Variants in PITPNC1 observed in about 807,000 individuals in gnomAD.
PITPNC1 encodes the protein cytoplasmic phosphatidylinositol transfer protein 1.
Under a neutral mutation model 44.7 loss-of-function variants are expected in PITPNC1, and 18 were observed. The observed-to-expected ratio is 0.40, with a 90% CI of 0.28 to 0.60. The LOEUF is 0.60. Among genes scored for constraint, PITPNC1 ranks in the 20% least tolerant of loss-of-function variants. The pLI, the probability that PITPNC1 is intolerant of heterozygous loss-of-function variation, is 0.39. For missense variants in PITPNC1, 290 were observed against 418.4 expected (o/e 0.69, Z 2.68); for synonymous variants, 141 against 149.6 (o/e 0.94, Z 0.42).
chr17:67,676,571 T>C lies in PITPNC1; in HGVS notation c.682+1029T>C, dbSNP rs2042606318. Among the ~76,000 whole-genome samples the C allele has an allele frequency of 6.6e-6, 1 of 152,158 alleles. No homozygotes were observed. Among genetic ancestry groups the C allele is most frequent in the South Asian group, 2.1e-4 (1 of 4,824 alleles). On this transcript the variant is annotated intron_variant, in intron 8 of 8. Coordinates refer to ENST00000581322, the MANE Select transcript of PITPNC1 (RefSeq NM_012417.4). This position sits in a 1 kb window ranked among gnomAD's most constrained non-coding sequence, Gnocchi z 4.0. ...AGGTTAGATCTGATTTTCAGGTCGATTGTCTAATGAAATGCCCTTCTCCTT... is the reference window on the plus strand; with the variant it reads ...AGGTTAGATCTGATTTTCAGGTCGACTGTCTAATGAAATGCCCTTCTCCTT...
chr17:67,663,365 C>G (rs1045635173), intron 6 of PITPNC1, among the ~76,000 whole-genome samples: 46 of 151,922 alleles, frequency 3.0e-4, no homozygotes, highest in African/African-American at 1.1e-3. Context: ...GTCAGGAGAT[C>G]GAGACCATCC....
At chr17:67,580,991 G>A (rs1457903950) in intron 5 of PITPNC1, among the ~76,000 whole-genome samples, 1 of 152,222 alleles carries the variant, frequency 6.6e-6, no homozygotes, top group Non-Finnish European at 1.5e-5. Flanking sequence ...CAAGCCTGCA[G>A]TGAACCATGT....
At chr17:67,649,574 G>T (rs568340628) in intron 6 of PITPNC1, among the ~76,000 whole-genome samples, 19 of 152,202 alleles carry the variant, frequency 1.2e-4, no homozygotes, top group African/African-American at 4.3e-4. Context: ...GTCCCACAAA[G>T]CTGCCCCACT....
chr17:67,567,421 G>T (rs566031822), intron 4 of PITPNC1, among the ~76,000 whole-genome samples: 1 of 151,988 alleles, frequency 6.6e-6, no homozygotes, highest in South Asian at 2.1e-4. Context: ...GAGGCAGAGC[G>T]TGCAGTGAGC....
At chr17:67,400,667 GC>G (rs1358392272) in intron 1 of PITPNC1, among the ~76,000 whole-genome samples, 2 of 151,864 alleles carry the variant, frequency 1.3e-5, no homozygotes, top group East Asian at 3.9e-4. Flanking sequence ...TGTAACCAGA[GC>G]CCTCTTTCTA....
intron 1 of PITPNC1, among the ~76,000 whole-genome samples, chr17:67,522,768 T>C (rs2040344599): frequency 6.7e-6 from 1 of 149,798 alleles, no homozygotes; most frequent in Admixed American, 6.8e-5. Flanking sequence ...GCTCAAGCGA[T>C]CATCCCGCCT....
chr17:67,420,399 CCCTT>C (rs1270916729), intron 1 of PITPNC1, among the ~76,000 whole-genome samples: 104 of 144,658 alleles, frequency 7.2e-4, no homozygotes, highest in South Asian at 1.6e-3. Flanking sequence ...CTCCCTCCCT[CCCTT>C]CCTTCCTTCC....
intron 1 of PITPNC1, among the ~76,000 whole-genome samples, chr17:67,450,520 G>A (rs1336387121): frequency 2.6e-5 from 4 of 151,974 alleles, no homozygotes; most frequent in African/African-American, 2.4e-5. Context: ...CACCCTCTCC[G>A]GCTCAAGCGA....
intron 5 of PITPNC1, among the ~76,000 whole-genome samples, chr17:67,606,919 G>T (rs763917231): frequency 3.3e-5 from 5 of 152,164 alleles, no homozygotes; most frequent in Admixed American, 1.3e-4. Flanking sequence ...ACAAACCACT[G>T]CCTGTCTGAA....
chr17:67,626,560 G>T (rs1390281246), intron 5 of PITPNC1, among the ~76,000 whole-genome samples: 1 of 152,076 alleles, frequency 6.6e-6, no homozygotes, highest in African/African-American at 2.4e-5. Flanking sequence ...AGTAGAGATG[G>T]GGTTTCACCA....
At chr17:67,423,142 T>C (rs2038695714) in intron 1 of PITPNC1, among the ~76,000 whole-genome samples, 1 of 152,190 alleles carries the variant, frequency 6.6e-6, no homozygotes, top group Non-Finnish European at 1.5e-5. Context: ...AGTCAGCACG[T>C]CTGCGTTATT....
chr17:67,590,377 T>C (rs1274898931), intron 5 of PITPNC1, among the ~76,000 whole-genome samples: 1 of 152,210 alleles, frequency 6.6e-6, no homozygotes, highest in Non-Finnish European at 1.5e-5. Context: ...ATAAGAATTG[T>C]AAACAAATAC....
At chr17:67,690,098 C>A (rs1387256647) in intron 8 of PITPNC1, among the ~76,000 whole-genome samples, 1 of 152,164 alleles carries the variant, frequency 6.6e-6, no homozygotes, top group Non-Finnish European at 1.5e-5. Context: ...CCCAGGAAAT[C>A]CTCTTAAGGA....
At chr17:67,675,359 A>G in intron 7 of PITPNC1, 120 bp from the exon 8 acceptor site, 1 of 750,746 alleles carries the variant, frequency 1.3e-6, no homozygotes. Flanking sequence ...GTCATCACCT[A>G]TGGACAGAGG....
chr17:67,404,136 C>G (rs1482813364), intron 1 of PITPNC1, among the ~76,000 whole-genome samples: 1 of 152,162 alleles, frequency 6.6e-6, no homozygotes, highest in Non-Finnish European at 1.5e-5. Context: ...GTTATTTGTA[C>G]CGATATACTA....
chr17:67,423,203 A>C (rs932576799), intron 1 of PITPNC1, among the ~76,000 whole-genome samples: 1 of 152,210 alleles, frequency 6.6e-6, no homozygotes, highest in Admixed American at 6.5e-5. Context: ...GCCCCCAAGG[A>C]AACAGAGGAT....
At chr17:67,631,055 T>TATTATTATTATC in intron 5 of PITPNC1, among the ~76,000 whole-genome samples, 1 of 84,008 alleles carries the variant, frequency 1.2e-5, no homozygotes, top group South Asian at 3.4e-4. Context: ...TTGTTGTTGT[T>TATTATTATTATC]ATTATTATTA....
At chr17:67,629,940 C>T (rs1011702953) in intron 5 of PITPNC1, among the ~76,000 whole-genome samples, 1 of 152,154 alleles carries the variant, frequency 6.6e-6, no homozygotes, top group African/African-American at 2.4e-5. Flanking sequence ...TCTGAAGAGT[C>T]CAGTCTCCAA....
At chr17:67,577,990 G>A (rs1414694367) in intron 4 of PITPNC1, 196 bp from the exon 5 acceptor site, 2 of 622,436 alleles carry the variant, frequency 3.2e-6, no homozygotes, top group African/African-American at 1.8e-5. Flanking sequence ...CCTGACCTCT[G>A]TCTGGATGAA....
Sources: gnomAD v4.1 joint callset for allele counts (sites outside exome capture counted in the v4.1 genomes callset) on GRCh38, gnomAD v4.1.1 for gene constraint, Gnocchi (gnomAD v3.1) non-coding constraint, MANE v1.5 for transcripts, NCBI Gene and HGNC (gene_info 2026-07-23, HGNC 2026-07-21) for gene names.